Variants in HMCN1 observed in about 807,000 individuals in gnomAD.
The protein encoded by HMCN1 is hemicentin 1, also known as hemicentin-1.
In HMCN1, 321 loss-of-function variants were observed where a neutral mutation model predicts 625.9. The ratio of observed to expected loss-of-function variants is 0.51; its 90% confidence interval spans 0.47 to 0.56. The LOEUF (loss-of-function observed/expected upper bound fraction) is 0.56, where lower values mean the gene tolerates loss of function less well. Among genes scored for constraint, HMCN1 ranks in the 20% least tolerant of loss-of-function variants. HMCN1 has a pLI of 0.00. For synonymous variants in HMCN1, 2,425 were observed against 2,417.6 expected, an observed-to-expected ratio of 1.00 and a Z score of -0.09; for missense variants, 6,588 against 6,887.3, an observed-to-expected ratio of 0.96 and a Z score of 1.54.
intron 1 of HMCN1, among the ~76,000 whole-genome samples, chr1:185,834,328 A>G (rs1334320111): frequency 1.3e-5 from 2 of 152,238 alleles, no homozygotes; most frequent in African/African-American, 2.4e-5. Context: ...TTACAAGTCT[A>G]TAATTAAAAT....
intron 81 of HMCN1, among the ~76,000 whole-genome samples, chr1:186,124,228 A>G (rs542755465): frequency 1.9e-4 from 29 of 152,240 alleles, no homozygotes; most frequent in Non-Finnish European, 3.8e-4. Flanking sequence ...GAAATTTGTA[A>G]TGAACTTTGA....
chr1:185,751,682 A>G (rs1248876836), intron 1 of HMCN1, among the ~76,000 whole-genome samples: 2 of 151,364 alleles, frequency 1.3e-5, no homozygotes, highest in East Asian at 3.9e-4. Flanking sequence ...CATATTTTCT[A>G]TTTATTTTCT....
chr1:186,127,052 T>C lies in HMCN1; in HGVS notation c.12691-1026T>C, dbSNP rs370656680. Among the ~76,000 whole-genome samples, 4 of 151,926 alleles carry C rather than the reference T, an allele frequency of 2.6e-5. 1 individual carries two copies. Among genetic ancestry groups the C allele is most frequent in the East Asian group, 1.9e-4 (1 of 5,174 alleles). ...TTTGAAGCTAGCATTTTCTGGTAGATTGCAAGTAGGGTGTGAGGAAAAAAA... is the reference window on the plus strand; with the variant it reads ...TTTGAAGCTAGCATTTTCTGGTAGACTGCAAGTAGGGTGTGAGGAAAAAAA... On this transcript the variant is annotated intron_variant, in intron 82 of 106. Coordinates refer to ENST00000271588, the MANE Select transcript of HMCN1 (RefSeq NM_031935.3).
At position 186,117,587 on chromosome 1, in the gene HMCN1, C is replaced by A. The variant is rs376333827; in HGVS notation, c.11812C>A (p.Leu3938Ile). The change falls in exon 77 of 107, where the codon CTT (leucine) becomes ATT (isoleucine). Residue 3938 changes from leucine to isoleucine, a missense_variant. Physicochemically the swap from Leu to Ile is conservative, Grantham distance 5. Coordinates refer to ENST00000271588, the MANE Select transcript of HMCN1 (RefSeq NM_031935.3). Reference sequence around the variant, plus strand: ...CTGGACCAAAAATGGTATAAGACTGCTTCCCAGGGGAGATGGCTATAGAAT... The same window carrying A: ...CTGGACCAAAAATGGTATAAGACTGATTCCCAGGGGAGATGGCTATAGAAT... Reference protein sequence around the residue: ...IHWTKNGIRLLPRGDGYRILS... With the variant: ...IHWTKNGIRLIPRGDGYRILS... The A allele has an allele frequency of 9.3e-5, 150 of 1,613,774 alleles. No homozygotes were observed. The highest frequency in any genetic ancestry group is 1.3e-4 in the Non-Finnish European group (148 of 1,179,826).
intron 14 of HMCN1, among the ~76,000 whole-genome samples, chr1:185,967,535 G>C (rs763174673): frequency 5.9e-5 from 9 of 152,124 alleles, no homozygotes; most frequent in African/African-American, 7.2e-5. Context: ...ATAATAGGCA[G>C]AGCTGCCCTG....
intron 23 of HMCN1, 136 bp downstream of exon 23, chr1:185,993,445 C>T (rs1192923448): frequency 1.1e-6 from 1 of 899,174 alleles, no homozygotes; most frequent in Non-Finnish European, 1.7e-6. Flanking sequence ...AAATCTGAGA[C>T]TTGTGATTTT....
intron 1 of HMCN1, among the ~76,000 whole-genome samples, chr1:185,789,186 A>G (rs1357295285): frequency 2.0e-5 from 3 of 152,214 alleles, no homozygotes; most frequent in African/African-American, 7.2e-5. Context: ...CTCGACAGAC[A>G]TCTATTTTAT....
chr1:185,766,586 G>C (rs1218422028), intron 1 of HMCN1, among the ~76,000 whole-genome samples: 1 of 152,044 alleles, frequency 6.6e-6, no homozygotes, highest in Non-Finnish European at 1.5e-5. Flanking sequence ...AGAAGTTTTA[G>C]CCAATCACTG....
chr1:185,973,354 G>T (rs912638789), intron 15 of HMCN1, among the ~76,000 whole-genome samples: 1 of 151,938 alleles, frequency 6.6e-6, no homozygotes, highest in Non-Finnish European at 1.5e-5. Flanking sequence ...TTAAGCATTG[G>T]GATTTTAATG....
At chr1:185,948,698 C>G (rs1571601794) in intron 11 of HMCN1, among the ~76,000 whole-genome samples, 1 of 151,720 alleles carries the variant, frequency 6.6e-6, no homozygotes, top group Non-Finnish European at 1.5e-5. Flanking sequence ...ACAGGGGATG[C>G]GATGGCTTGG....
chr1:185,959,562 CT>C (rs1481469472), intron 11 of HMCN1, among the ~76,000 whole-genome samples: 11 of 152,138 alleles, frequency 7.2e-5, no homozygotes, highest in African/African-American at 1.9e-4. Flanking sequence ...ACCTTGCCCC[CT>C]AATAGAGTGC....
intron 30 of HMCN1, among the ~76,000 whole-genome samples, chr1:186,010,922 CTT>C (rs1181682750): frequency 6.6e-6 from 1 of 151,998 alleles, no homozygotes; most frequent in Non-Finnish European, 1.5e-5. Flanking sequence ...AAATTATAAA[CTT>C]TTTGTAATAC....
chr1:185,847,228 T>G (rs1051039100), intron 2 of HMCN1, among the ~76,000 whole-genome samples: 1 of 152,220 alleles, frequency 6.6e-6, no homozygotes, highest in African/African-American at 2.4e-5. Context: ...CTCAACTGTC[T>G]GCATTATTCA....
chr1:186,174,659 T>A lies in HMCN1; in HGVS notation c.15943+17T>A. The A allele has an allele frequency of 6.2e-7, 1 of 1,613,688 alleles. No individual in the cohort carries two copies. Among genetic ancestry groups the A allele is most frequent in the Non-Finnish European group, 8.5e-7 (1 of 1,179,664 alleles). On this transcript the variant is annotated intron_variant, in intron 103 of 106. Transcript: ENST00000271588. Reference sequence around the variant, plus strand: ...CCTGCATGGGTAAGTTAATAGGAACTTGTTGAGCAATAAAGCTACTGATGT... The same window carrying A: ...CCTGCATGGGTAAGTTAATAGGAACATGTTGAGCAATAAAGCTACTGATGT...
chr1:185,997,005 A>G (rs1444080769), intron 24 of HMCN1, among the ~76,000 whole-genome samples: 2 of 152,170 alleles, frequency 1.3e-5, no homozygotes, highest in Admixed American at 6.5e-5. Context: ...AAGGATCCCC[A>G]TAAGAAGTCT....
intron 1 of HMCN1, among the ~76,000 whole-genome samples, chr1:185,746,156 A>T (rs921839768): frequency 6.6e-6 from 1 of 152,216 alleles, no homozygotes; most frequent in African/African-American, 2.4e-5. Flanking sequence ...ATAGAAGGCT[A>T]AAATGATGAG....
chr1:186,151,806 A>G, intron 95 of HMCN1, 63 bp downstream of exon 95: 1 of 1,502,824 alleles, frequency 6.7e-7, no homozygotes, highest in Non-Finnish European at 9.2e-7. Context: ...TAGGTGATTA[A>G]GAAAAATACG....
intron 4 of HMCN1, among the ~76,000 whole-genome samples, chr1:185,891,715 C>T (rs1665098773): frequency 6.8e-6 from 1 of 148,132 alleles, no homozygotes; most frequent in African/African-American, 2.7e-5. Flanking sequence ...TGAGGGTAAC[C>T]CGACCTTTCT....
chr1:185,738,957 A>G (rs1268415666), intron 1 of HMCN1, among the ~76,000 whole-genome samples: 3 of 152,100 alleles, frequency 2.0e-5, no homozygotes, highest in Non-Finnish European at 4.4e-5. Context: ...TTGGTGTACA[A>G]ATGACTTCGT....
Sources: allele counts gnomAD v4.1 joint callset (sites outside exome capture counted in the v4.1 genomes callset), GRCh38; gene constraint gnomAD v4.1.1; transcripts MANE v1.5; gene names NCBI Gene and HGNC (gene_info 2026-07-23, HGNC 2026-07-21).